Variants in CORO7 observed in about 807,000 individuals in gnomAD.
CORO7 encodes coronin 7, also known as coronin-7.
Under a neutral mutation model 126.6 loss-of-function variants are expected in CORO7, and 107 were observed. The observed-to-expected ratio is 0.85, with a 90% CI of 0.72 to 0.99. The LOEUF (loss-of-function observed/expected upper bound fraction) is 0.99. Ranked by LOEUF, CORO7 falls within the 50% of genes least tolerant of loss-of-function variation. The pLI, the probability that CORO7 is intolerant of heterozygous loss-of-function variation, is 0.00. For missense variants in CORO7, 1,314 were observed against 1,255.8 expected, an observed-to-expected ratio of 1.05 and a Z score of -0.70; for synonymous variants, 603 against 536.8, an observed-to-expected ratio of 1.12 and a Z score of -1.70.
intron 7 of CORO7, among the ~76,000 whole-genome samples, chr16:4,389,636 T>A (rs1455130153): frequency 7.9e-5 from 12 of 152,134 alleles, no homozygotes. Flanking sequence ...CACCAGGCTG[T>A]GGCCGGCACA....
At chr16:4,361,651 G>A in intron 16 of CORO7, 182 bp from the exon 17 acceptor site, 1 of 829,730 alleles carries the variant, frequency 1.2e-6, no homozygotes, top group Non-Finnish European at 2.0e-6. Flanking sequence ...CCAACCACAA[G>A]GCCCCAGAGA....
intron 14 of CORO7, 29 bp downstream of exon 14, chr16:4,364,247 G>A (rs1427423756): frequency 6.6e-7 from 1 of 1,512,960 alleles, no homozygotes; most frequent in African/African-American, 1.4e-5. Flanking sequence ...GTGTCGCTGA[G>A]GGAGGATGGG....
At chr16:4,405,660 A>C in intron 5 of CORO7, 93 bp from the exon 6 acceptor site, 3 of 1,478,114 alleles carry the variant, frequency 2.0e-6, no homozygotes, top group Non-Finnish European at 2.7e-6. Context: ...TCCCAGAGCA[A>C]AGGCAGCAGC....
At chr16:4,357,342 C>T in intron 25 of CORO7, 83 bp from the exon 26 acceptor site, 11 of 967,862 alleles carry the variant, frequency 1.1e-5, no homozygotes, top group South Asian at 5.6e-5. Flanking sequence ...TTCTTTCTTT[C>T]TTTTCTTTCT....
rs989561656 is a variant in CORO7 at position 4,384,744 on chromosome 16, T to C, written c.785+3242A>G. Among the ~76,000 whole-genome samples, 5 of 152,080 alleles carry C rather than the reference T, an allele frequency of 3.3e-5. No individual in the cohort carries two copies. The South Asian group carries it at 1.0e-3, about 31-fold the overall frequency. On this transcript the variant is annotated intron_variant, in intron 9 of 27. Transcript: ENST00000251166. ...GGGCAGTGGGTGGTGGCAGTGGGCC[T>C]GGGTGGGGCCCCTTCTTCCTGAGGC... is the stretch of plus-strand genomic sequence containing the variant.
intron 6 of CORO7, among the ~76,000 whole-genome samples, chr16:4,401,902 CT>C (rs1184586422): frequency 1.4e-5 from 2 of 146,022 alleles, no homozygotes; most frequent in Admixed American, 6.8e-5. Flanking sequence ...CCTATGGTTT[CT>C]TTTTTTCCTT....
intron 6 of CORO7, among the ~76,000 whole-genome samples, chr16:4,399,750 G>T (rs932487831): frequency 7.9e-5 from 12 of 152,066 alleles, no homozygotes; most frequent in Non-Finnish European, 1.6e-4. Flanking sequence ...AAGTAGCTGG[G>T]CGTGGTGGCA....
chr16:4,385,900 C>T (rs935603970), intron 9 of CORO7, among the ~76,000 whole-genome samples: 5 of 152,242 alleles, frequency 3.3e-5, no homozygotes, highest in Non-Finnish European at 5.9e-5. Context: ...AACAGAAGAA[C>T]TCGAGGGTGG....
rs564171563 is a variant in CORO7 at position 4,407,417 on chromosome 16, A to G, written c.487+84T>C. ...AACTTTGATATCTGTTTTTAAATTT[A>G]TGTGACTAAACATGCCAACAAAGAA... On this transcript the variant is annotated intron_variant, in intron 5 of 27. Coordinates refer to ENST00000251166, the MANE Select transcript of CORO7 (RefSeq NM_024535.5). 12 of 1,463,510 alleles carry G rather than the reference A, an allele frequency of 8.2e-6. No individual in the cohort carries two copies. In the Admixed American group the frequency reaches 1.4e-4, roughly 18 times the overall value. 90.7% of individuals were successfully genotyped at this position (1,463,510 alleles called of 1,614,324 possible).
At chr16:4,408,029 G>C (rs2056070355) in intron 4 of CORO7, 152 bp downstream of exon 4, 1 of 1,226,358 alleles carries the variant, frequency 8.2e-7, no homozygotes, top group African/African-American at 1.5e-5. Flanking sequence ...GCCAGTGTGG[G>C]ACCAGGAATT....
intron 9 of CORO7, among the ~76,000 whole-genome samples, chr16:4,367,269 G>T (rs2054377397): frequency 1.3e-5 from 2 of 152,242 alleles, no homozygotes; most frequent in Non-Finnish European, 2.9e-5. Context: ...GGCGGAGGCG[G>T]AGGGTAGGGG....
At chr16:4,369,113 G>A (rs922726727) in intron 9 of CORO7, among the ~76,000 whole-genome samples, 1 of 152,270 alleles carries the variant, frequency 6.6e-6, no homozygotes, top group Admixed American at 6.5e-5. Flanking sequence ...CAGGAGCTGA[G>A]GCCGAGTGGG....
chr16:4,398,553 C>G (rs1251199281), intron 6 of CORO7, among the ~76,000 whole-genome samples: 1 of 151,920 alleles, frequency 6.6e-6, no homozygotes, highest in Non-Finnish European at 1.5e-5. Flanking sequence ...GTAATACCAG[C>G]TACTCGGGAG....
chr16:4,365,925 G>A (rs960645184), intron 9 of CORO7, among the ~76,000 whole-genome samples: 1 of 152,184 alleles, frequency 6.6e-6, no homozygotes, highest in Non-Finnish European at 1.5e-5. Context: ...GTGGAGAGGT[G>A]AGGCCGGAGG....
chr16:4,405,652 C>T, intron 5 of CORO7, 85 bp from the exon 6 acceptor site: 1 of 1,515,316 alleles, frequency 6.6e-7, no homozygotes, highest in South Asian at 1.2e-5. Flanking sequence ...GGGGGAACTC[C>T]CAGAGCAAAG....
intron 6 of CORO7, among the ~76,000 whole-genome samples, chr16:4,401,433 C>G (rs1211784061): frequency 1.3e-5 from 2 of 152,238 alleles, no homozygotes; most frequent in African/African-American, 4.8e-5. Context: ...CCTGGCAAAG[C>G]CCTGCCAGCT....
chr16:4,364,724 AG>A lies in CORO7; in HGVS notation c.1045-36del, dbSNP rs760534844. ...GACAAGCAGGCAGCTAGTGAGGCCC[AG>A]GCCCCCCGACTCCCCAGCCCCCGCA... On this transcript the variant is annotated intron_variant, in intron 12 of 27. Coordinates refer to ENST00000251166, the MANE Select transcript of CORO7 (RefSeq NM_024535.5). 31 of 1,590,138 alleles carry A rather than the reference AG, an allele frequency of 1.9e-5. 1 individual carries two copies. In the South Asian group the frequency reaches 3.4e-4, roughly 17 times the overall value.
chr16:4,385,236 G>A (rs767335245), intron 9 of CORO7, among the ~76,000 whole-genome samples: 29 of 152,232 alleles, frequency 1.9e-4, no homozygotes, highest in East Asian at 3.9e-4. Flanking sequence ...TTTCATGCCC[G>A]GCGACCTCGT....
intron 9 of CORO7, chr16:4,382,221 G>A (rs760717890): frequency 2.5e-6 from 4 of 1,605,120 alleles, no homozygotes; most frequent in Non-Finnish European, 3.4e-6. Flanking sequence ...TGGGGCAGGG[G>A]ACACGGCCCA....
Sources: gnomAD v4.1 joint callset for allele counts (sites outside exome capture counted in the v4.1 genomes callset) on GRCh38, gnomAD v4.1.1 for gene constraint, MANE v1.5 for transcripts, NCBI Gene and HGNC (gene_info 2026-07-23, HGNC 2026-07-21) for gene names.